The following ZUP1 variants were observed in gnomAD, a reference collection of about 807,000 sequenced individuals.
ZUP1 encodes the protein zinc finger-containing ubiquitin peptidase 1.
ZUP1 carries 55 observed loss-of-function variants against 68.1 expected under a neutral mutation model. That is an observed-to-expected ratio of 0.81 (90% CI 0.65 to 1.01). ZUP1 has a LOEUF of 1.01. Among genes scored for constraint, ZUP1 ranks in the 50% least tolerant of loss-of-function variants. The probability of loss-of-function intolerance (pLI) is 0.00; values close to 1 mark genes in which losing one functional copy is unlikely to be tolerated. For missense variants in ZUP1, 684 were observed against 674.9 expected, an observed-to-expected ratio of 1.01 and a Z score of -0.15; for synonymous variants, 223 against 221.5, an observed-to-expected ratio of 1.01 and a Z score of -0.06.
chr6:116,662,750 T>C (rs1320194812), intron 2 of ZUP1, among the ~76,000 whole-genome samples: 1 of 152,132 alleles, frequency 6.6e-6, no homozygotes, highest in African/African-American at 2.4e-5. Context: ...ACAGGCAACT[T>C]TTCTTTCACA....
Position 116,642,703 on chromosome 6 carries a change from A to T in ZUP1, c.1689+3011T>A, listed in dbSNP as rs1289242071. 3.9e-5 allele frequency among the ~76,000 whole-genome samples: 6 copies of T among 152,290 alleles called. No individual in the cohort carries two copies. The East Asian group carries it at 1.2e-3, about 29-fold the overall frequency. ...GACGTATCTCAAAATAATAAGAGCT[A>T]TCTATGACAAACCCACAGCCAATAT... On this transcript the variant is annotated intron_variant, in intron 9 of 9. Coordinates refer to ENST00000368576, the MANE Select transcript of ZUP1 (RefSeq NM_145062.3).
At chr6:116,645,045 T>C (rs1458509065) in intron 9 of ZUP1, among the ~76,000 whole-genome samples, 1 of 152,064 alleles carries the variant, frequency 6.6e-6, no homozygotes, top group Admixed American at 6.5e-5. Context: ...CCTATCATAA[T>C]TATTTGTACA....
At chr6:116,646,003 TATG>T in intron 8 of ZUP1, 69 bp from the exon 9 acceptor site, 1 of 1,121,736 alleles carries the variant, frequency 8.9e-7, no homozygotes, top group Non-Finnish European at 1.3e-6. Flanking sequence ...TCTCTGTATG[TATG>T]TTGTGTGATC....
intron 6 of ZUP1, 98 bp from the exon 7 acceptor site, chr6:116,651,835 A>T (rs1776507399): frequency 2.7e-6 from 4 of 1,467,784 alleles, no homozygotes; most frequent in Non-Finnish European, 3.7e-6. Flanking sequence ...ACGGTTTTTA[A>T]GACAGTTATT....
intron 9 of ZUP1, among the ~76,000 whole-genome samples, chr6:116,641,774 A>G (rs1293265571): frequency 1.3e-5 from 2 of 152,192 alleles, no homozygotes; most frequent in Non-Finnish European, 2.9e-5. Flanking sequence ...ATCACAATTA[A>G]AAGAACTAGA....
At chr6:116,657,098 T>C (rs534728765) in intron 4 of ZUP1, among the ~76,000 whole-genome samples, 10 of 152,306 alleles carry the variant, frequency 6.6e-5, no homozygotes, top group Non-Finnish European at 1.2e-4. Context: ...TTGCTTTTCC[T>C]GTAGTAGGGA....
rs1435349808 is a variant in ZUP1 at position 116,666,987 on chromosome 6, T to A, written c.206A>T (p.Gln69Leu). The A allele has an allele frequency of 6.2e-7, 1 of 1,613,768 alleles. No individual in the cohort carries two copies. The highest frequency in any genetic ancestry group is 1.7e-4 in the Middle Eastern group (1 of 6,056). ...ERNFERINTV[Q>L]YGTSDNKKDN... Reference sequence around the variant, plus strand: ...TTTCTTGTTATCTGAAGTTCCATATTGTACTGTATTTATCCTCTCAAAGTT... The same window carrying A: ...TTTCTTGTTATCTGAAGTTCCATATAGTACTGTATTTATCCTCTCAAAGTT... Residue 69 changes from glutamine to leucine, a missense_variant, in exon 2 of 10, where the codon CAA becomes CTA. Transcript: ENST00000368576.
At chr6:116,646,977 G>A (rs544737006) in intron 8 of ZUP1, among the ~76,000 whole-genome samples, 16 of 152,280 alleles carry the variant, frequency 1.1e-4, no homozygotes, top group East Asian at 7.7e-4. Flanking sequence ...TGAAGGACAA[G>A]TGAACTAAAC....
intron 9 of ZUP1, among the ~76,000 whole-genome samples, chr6:116,639,467 G>C (rs961784184): frequency 6.6e-6 from 1 of 152,136 alleles, no homozygotes; most frequent in African/African-American, 2.4e-5. Flanking sequence ...CACCTCACAC[G>C]GCCGGGTACT....
At chr6:116,655,721 CAA>C in intron 5 of ZUP1, among the ~76,000 whole-genome samples, 1 of 152,156 alleles carries the variant, frequency 6.6e-6, no homozygotes, top group East Asian at 1.9e-4. Flanking sequence ...CTTGCTTTGG[CAA>C]AGTCACTGTA....
At chr6:116,639,655 C>T (rs1006275673) in intron 9 of ZUP1, among the ~76,000 whole-genome samples, 4 of 152,164 alleles carry the variant, frequency 2.6e-5, no homozygotes, top group African/African-American at 9.7e-5. Flanking sequence ...AACTAACAAA[C>T]AGAAAGGACA....
chr6:116,651,911 T>C (rs573862287), intron 6 of ZUP1, 93 bp downstream of exon 6: 1 of 1,430,152 alleles, frequency 7.0e-7, no homozygotes, highest in South Asian at 1.4e-5. Context: ...AAATATCCAC[T>C]AACTGTTAAA....
Position 116,645,814 on chromosome 6 carries a change from G to A in ZUP1, c.1589C>T (p.Ala530Val). The A allele has an allele frequency of 6.2e-7, 1 of 1,613,856 alleles. No individual in the cohort carries two copies. The highest frequency in any genetic ancestry group is 1.1e-5 in the South Asian group (1 of 91,084). ...MQKLLKQDIE[A>V]SSLKQLRKSM... Reference sequence around the variant, plus strand: ...TTTCCGAAGTTGCTTGAGACTGCTAGCCTCTATGTCTTGCTTTAATAATTT... The same window carrying A: ...TTTCCGAAGTTGCTTGAGACTGCTAACCTCTATGTCTTGCTTTAATAATTT... Residue 530 changes from alanine to valine, a missense_variant, in exon 9 of 10, where the codon GCT (alanine) becomes GTT (valine). Coordinates refer to ENST00000368576, the MANE Select transcript of ZUP1 (RefSeq NM_145062.3).
Position 116,658,786 on chromosome 6 carries a change from G to T in ZUP1, c.792+17C>A. On this transcript the variant is annotated intron_variant, in intron 4 of 9. Transcript: ENST00000368576. ...TTTACCAAATCAAAATATTATAATT[G>T]TTATTAATCTTTGTACCTGCAGCTT... The T allele has an allele frequency of 6.5e-7, 1 of 1,539,734 alleles. No individual in the cohort carries two copies.
rs202242804 is a variant in ZUP1, at chr6:116,667,005, T to C, written c.188A>G (p.Glu63Gly). The change falls in exon 2 of 10, where the codon GAG becomes GGG. Residue 63 changes from glutamate to glycine, a missense_variant. Coordinates refer to ENST00000368576, the MANE Select transcript of ZUP1 (RefSeq NM_145062.3). ...FEQNTLERNF[E>G]RINTVQYGTS... ...TCCATATTGTACTGTATTTATCCTCTCAAAGTTTCTTTCAAGTGTATTCTG... is the reference window on the plus strand; with the variant it reads ...TCCATATTGTACTGTATTTATCCTCCCAAAGTTTCTTTCAAGTGTATTCTG... 1.2e-6 allele frequency: 2 copies of C among 1,613,330 alleles called. No homozygotes were observed. Among genetic ancestry groups the C allele is most frequent in the East Asian group, 2.2e-5 (1 of 44,792 alleles).
chr6:116,635,871 T>A lies in ZUP1; in HGVS notation c.1698A>T (p.Arg566Ser), dbSNP rs765360043. The change falls in exon 10 of 10, where the codon AGA becomes AGT. Residue 566 changes from arginine (R) to serine (S), a missense_variant. Physicochemically the swap from Arg to Ser is moderately radical, Grantham distance 110. Transcript: ENST00000368576. ...CGGCTGTAAAGACTTGAGAAGCTTG[T>A]CTCCTGGCCTTGAAAAGAAATTTTA... ...ALSLEEKLAR[R>S]QASQVFTAEK... 3.1e-6 allele frequency: 5 copies of A among 1,588,634 alleles called. No individual in the cohort carries two copies. The highest frequency in any genetic ancestry group is 4.3e-6 in the Non-Finnish European group (5 of 1,169,606).
intron 9 of ZUP1, among the ~76,000 whole-genome samples, chr6:116,638,048 A>G (rs1202931378): frequency 7.0e-6 from 1 of 142,940 alleles, no homozygotes; most frequent in Non-Finnish European, 1.5e-5. Context: ...CTTGGGTGAC[A>G]GAGTGAGAGT....
chr6:116,663,525 T>C (rs1776906080), intron 2 of ZUP1, among the ~76,000 whole-genome samples: 1 of 152,168 alleles, frequency 6.6e-6, no homozygotes, highest in African/African-American at 2.4e-5. Context: ...CAGCAAAGGA[T>C]TGTCAGGCAT....
In ZUP1 at chr6:116,662,753, C is replaced by T. The variant is rs182390938; in HGVS notation, c.560-1907G>A. Among the ~76,000 whole-genome samples the T allele has an allele frequency of 3.3e-3, 498 of 152,240 alleles. 13 individuals are homozygous for T. The highest frequency in any genetic ancestry group is 0.024 in the Admixed American group (369 of 15,280). On this transcript the variant is annotated intron_variant, in intron 2 of 9. Transcript: ENST00000368576. ...GCCCCCTAACACACAGGCAACTTTT[C>T]TTTCACAATTCAGGGCCCTAGAAGT... is the stretch of plus-strand genomic sequence containing the variant.
Sources: gnomAD v4.1 joint callset for allele counts (sites outside exome capture counted in the v4.1 genomes callset) on GRCh38, gnomAD v4.1.1 for gene constraint, MANE v1.5 for transcripts, NCBI Gene and HGNC (gene_info 2026-07-23, HGNC 2026-07-21) for gene names.